SLC67A1: variants seen among roughly 807,000 people sequenced by gnomAD.
The protein encoded by SLC67A1 is solute carrier family 67 member A1.
the SLC67A1 span, among the ~76,000 whole-genome samples, chr11:2,913,055 G>A: frequency 2.6e-5 from 4 of 152,284 alleles, no homozygotes; most frequent in Admixed American, 6.5e-5. Context: ...AGCGCTGAGC[G>A]GAGGCTGAGG....
At chr11:2,918,197 C>G in the SLC67A1 span, 1 of 851,358 alleles carries the variant, frequency 1.2e-6, no homozygotes, top group Non-Finnish European at 1.9e-6. Context: ...CAGGTCCACA[C>G]AGATGTGGTA....
the SLC67A1 span, chr11:2,909,188 G>C: frequency 6.6e-7 from 1 of 1,507,496 alleles, no homozygotes; most frequent in Non-Finnish European, 8.8e-7. Context: ...CCGCCCCTCG[G>C]CCCCCAGGTT....
At chr11:2,916,759 A>T in the SLC67A1 span, 3 of 1,602,362 alleles carry the variant, frequency 1.9e-6, no homozygotes, top group East Asian at 2.2e-5. Flanking sequence ...CGCCAGGTAC[A>T]CCCTGCCCAG....
At chr11:2,918,038 C>T in the SLC67A1 span, 103 of 1,613,478 alleles carry the variant, frequency 6.4e-5, 1 homozygote, top group African/African-American at 6.5e-4. Context: ...CTCCCTGCTG[C>T]GGCTGCCAGA....
chr11:2,921,363 G>A, the SLC67A1 span: 135,560 of 152,258 alleles, frequency 0.89, 60,460 homozygotes, highest in Middle Eastern at 0.92. Context: ...AATTTGGGAG[G>A]GTGACTGGTC....
At chr11:2,915,615 C>T in the SLC67A1 span, among the ~76,000 whole-genome samples, 1 of 152,232 alleles carries the variant, frequency 6.6e-6, no homozygotes, top group Admixed American at 6.5e-5. Flanking sequence ...GCTGGTAAAG[C>T]GAGTCCTTCT....
the SLC67A1 span, chr11:2,915,296 T>TGTGTGTGC: frequency 2.2e-6 from 2 of 905,050 alleles, no homozygotes; most frequent in African/African-American, 3.6e-5. Flanking sequence ...TGTGTGTGTG[T>TGTGTGTGC]GCGCATGTGG....
At chr11:2,914,794 C>T in the SLC67A1 span, 1 of 985,448 alleles carries the variant, frequency 1.0e-6, no homozygotes, top group Non-Finnish European at 1.2e-6. Flanking sequence ...CAGCCAGACC[C>T]TGAGCTGTGA....
the SLC67A1 span, chr11:2,914,932 C>T: frequency 1.8e-5 from 18 of 985,294 alleles, no homozygotes; most frequent in South Asian, 4.7e-5. Flanking sequence ...CTGTGGCGCC[C>T]GAGCCCAGCC....
chr11:2,914,377 G>A, the SLC67A1 span, among the ~76,000 whole-genome samples: 3 of 152,286 alleles, frequency 2.0e-5, no homozygotes, highest in African/African-American at 7.2e-5. Context: ...CAATGGTCCC[G>A]GGGGATGCCC....
At chr11:2,899,879 T>C in the SLC67A1 span, 2 of 637,068 alleles carry the variant, frequency 3.1e-6, no homozygotes, top group Non-Finnish European at 5.2e-6. Flanking sequence ...CTCTGGGCAG[T>C]TTGGTAACTC....
chr11:2,919,809 T>C, the SLC67A1 span: 2 of 184,090 alleles, frequency 1.1e-5, no homozygotes, highest in African/African-American at 4.7e-5. Flanking sequence ...GGAGGTCCCA[T>C]AGGAGCAAGA....
the SLC67A1 span, chr11:2,914,918 C>T: frequency 1.0e-6 from 1 of 985,424 alleles, no homozygotes; most frequent in Middle Eastern, 5.2e-4. Flanking sequence ...GCTGGAGGGA[C>T]AAGCTGTGGC....
the SLC67A1 span, chr11:2,899,754 T>A: frequency 9.1e-6 from 13 of 1,436,304 alleles, no homozygotes; most frequent in Non-Finnish European, 1.2e-5. Flanking sequence ...TTTCCTCTGC[T>A]CAACCAGTTC....
At chr11:2,911,603 C>T in the SLC67A1 span, among the ~76,000 whole-genome samples, 34 of 152,256 alleles carry the variant, frequency 2.2e-4, no homozygotes, top group African/African-American at 7.2e-4. Context: ...GGTACTCTGC[C>T]GGCTCAGGGC....
At chr11:2,916,501 G>T in the SLC67A1 span, 1 of 716,938 alleles carries the variant, frequency 1.4e-6, no homozygotes, top group South Asian at 1.7e-5. Flanking sequence ...ACAGACTGTG[G>T]GGATGTGGGA....
the SLC67A1 span, chr11:2,922,357 G>T: frequency 1.9e-6 from 3 of 1,569,222 alleles, no homozygotes; most frequent in East Asian, 7.0e-5. Flanking sequence ...GTCAGGGTGG[G>T]GAGGGACAGG....
At chr11:2,900,476 G>A in the SLC67A1 span, among the ~76,000 whole-genome samples, 2 of 151,684 alleles carry the variant, frequency 1.3e-5, no homozygotes, top group East Asian at 1.9e-4. Context: ...GGCGGATCAC[G>A]AGGTCAGGAG....
At chr11:2,900,966 G>T in the SLC67A1 span, among the ~76,000 whole-genome samples, 2 of 152,144 alleles carry the variant, frequency 1.3e-5, no homozygotes, top group Non-Finnish European at 2.9e-5. Flanking sequence ...ATAATTTATG[G>T]CCAGCTTCTA....
Sources: gnomAD v4.1 joint callset for allele counts (sites outside exome capture counted in the v4.1 genomes callset) on GRCh38, gnomAD v4.1.1 for gene constraint, MANE v1.5 for transcripts, NCBI Gene and HGNC (gene_info 2026-07-23, HGNC 2026-07-21) for gene names.